SEC24D: variants seen among roughly 807,000 people sequenced by gnomAD.
The protein encoded by SEC24D is SEC24 homolog D, COPII component.
Under a neutral mutation model 116.9 loss-of-function variants are expected in SEC24D, and 69 were observed. That is an observed-to-expected ratio of 0.59 (90% CI 0.49 to 0.72). The LOEUF is 0.72. Among genes scored for constraint, SEC24D ranks in the 30% least tolerant of loss-of-function variants. SEC24D has a pLI of 0.00. For missense variants in SEC24D, 1,131 were observed against 1,264.1 expected, an observed-to-expected ratio of 0.89 and a Z score of 1.60; for synonymous variants, 405 against 442.8, an observed-to-expected ratio of 0.91 and a Z score of 1.07.
chr4:118,824,821 A>T, intron 2 of SEC24D, 72 bp from the exon 3 acceptor site: 3 of 1,381,096 alleles, frequency 2.2e-6, no homozygotes, highest in Non-Finnish European at 1.9e-6. Context: ...CATTAGGTTA[A>T]AAATGAGAAC....
In SEC24D at chr4:118,810,639, G is replaced by C. The variant is rs114794488; in HGVS notation, c.801+4389C>G. 3.1e-3 allele frequency among the ~76,000 whole-genome samples: 473 copies of C among 152,312 alleles called. 3 individuals carry two copies. The highest frequency in any genetic ancestry group is 0.011 in the African/African-American group (450 of 41,564). ...TTGAAACACAGATTCCAGGGCCTTA[G>C]CCTTAGAGATTCTGATTCTGTAGGT... On this transcript the variant is annotated intron_variant, in intron 6 of 22. Coordinates refer to ENST00000280551, the MANE Select transcript of SEC24D (RefSeq NM_014822.4).
chr4:118,799,185 A>C (rs1205366885), intron 7 of SEC24D, among the ~76,000 whole-genome samples: 1 of 152,172 alleles, frequency 6.6e-6, no homozygotes, highest in Non-Finnish European at 1.5e-5. Flanking sequence ...TCAAAGGTAC[A>C]GTGACTTATT....
At position 118,723,374 on chromosome 4, in the gene SEC24D, T is replaced by TGCCA; in HGVS notation, c.*140_*141insTGGC. 1 of 805,642 alleles carries TGCCA rather than the reference T, an allele frequency of 1.2e-6. No homozygotes were observed. Among genetic ancestry groups the TGCCA allele is most frequent in the Non-Finnish European group, 1.9e-6 (1 of 521,602 alleles). 49.9% of individuals were successfully genotyped at this position (805,642 alleles called of 1,614,324 possible). A position where few individuals can be genotyped will look rare whatever the true frequency, so the allele number is the denominator to read the frequency against. On this transcript the variant is annotated 3_prime_UTR_variant, in exon 23 of 23. Coordinates refer to ENST00000280551, the MANE Select transcript of SEC24D (RefSeq NM_014822.4). Reference sequence around the variant, plus strand: ...TTATACCTGAGCACCAAAGCTGAAGTTCTAAATGCCATCTCTTCCTGGAAA... The same window carrying TGCCA: ...TTATACCTGAGCACCAAAGCTGAAGTGCCATCTAAATGCCATCTCTTCCTGGAAA...
intron 21 of SEC24D, 173 bp from the exon 22 acceptor site, chr4:118,728,823 A>G (rs543776492): frequency 1.9e-6 from 1 of 525,164 alleles, no homozygotes; most frequent in East Asian, 3.1e-5. Flanking sequence ...ATTGGCACCC[A>G]TTCCCATAAT....
At chr4:118,754,439 T>C (rs1163498840) in intron 11 of SEC24D, among the ~76,000 whole-genome samples, 4 of 152,150 alleles carry the variant, frequency 2.6e-5, no homozygotes, top group Non-Finnish European at 5.9e-5. Flanking sequence ...TTAGAAGTCA[T>C]TTCCTCTTCT....
At chr4:118,788,786 G>A (rs138337660) in intron 8 of SEC24D, among the ~76,000 whole-genome samples, 1 of 152,218 alleles carries the variant, frequency 6.6e-6, no homozygotes, top group East Asian at 1.9e-4. Flanking sequence ...CTGCTGCCAA[G>A]GAACAACTAA....
intron 6 of SEC24D, among the ~76,000 whole-genome samples, chr4:118,813,483 C>A (rs556897914): frequency 6.6e-6 from 1 of 152,204 alleles, no homozygotes; most frequent in Admixed American, 6.5e-5. Context: ...AATCCCAAAG[C>A]GGCACAGAGC....
In SEC24D at chr4:118,745,856, G is replaced by C. The variant is rs1276672118; in HGVS notation, c.1708-796C>G. 2.6e-5 allele frequency among the ~76,000 whole-genome samples: 4 copies of C among 152,248 alleles called. No individual in the cohort carries two copies. In the East Asian group the frequency reaches 5.8e-4, roughly 22 times the overall value. On this transcript the variant is annotated intron_variant, in intron 13 of 22. Transcript: ENST00000280551. ...CCTCTGAAGTGAAGACAATAGCTCT[G>C]ATCAGGTATGTGGCTTTTATCCTTA...
intron 8 of SEC24D, among the ~76,000 whole-genome samples, chr4:118,773,121 A>G (rs978703557): frequency 1.3e-5 from 2 of 152,138 alleles, no homozygotes; most frequent in East Asian, 3.9e-4. Flanking sequence ...TACATTTTCA[A>G]TGTATACTTC....
intron 7 of SEC24D, 68 bp from the exon 8 acceptor site, chr4:118,797,878 T>C (rs1007789912): frequency 1.8e-5 from 23 of 1,278,422 alleles, no homozygotes; most frequent in Admixed American, 1.1e-4. Context: ...TATTCAAATA[T>C]TTATAAAGGT....
Position 118,751,176 on chromosome 4 carries a change from C to CTTTTTTTTTTTTTTTTTTTTT in SEC24D, c.1707+819_1707+820insAAAAAAAAAAAAAAAAAAAAA, listed in dbSNP as rs1185148886. Among the ~76,000 whole-genome samples, 16 of 100,330 alleles carry CTTTTTTTTTTTTTTTTTTTTT rather than the reference C, an allele frequency of 1.6e-4. 2 individuals carry two copies. Among genetic ancestry groups the CTTTTTTTTTTTTTTTTTTTTT allele is most frequent in the East Asian group, 3.6e-4 (1 of 2,772 alleles). 65.8% of individuals were successfully genotyped at this position (100,330 alleles called of 152,430 possible). ...TAATAATGATGATTTAGAGTGAGGGCTTTTTTTTTTTTTTTTTTTGAGATG... is the reference window on the plus strand; with the variant it reads ...TAATAATGATGATTTAGAGTGAGGGCTTTTTTTTTTTTTTTTTTTTTTTTTTTTTTTTTTTTTTTTGAGATG... On this transcript the variant is annotated intron_variant, in intron 13 of 22. Coordinates refer to ENST00000280551, the MANE Select transcript of SEC24D (RefSeq NM_014822.4).
At chr4:118,761,297 T>C (rs945890330) in intron 10 of SEC24D, among the ~76,000 whole-genome samples, 3 of 152,202 alleles carry the variant, frequency 2.0e-5, no homozygotes, top group Non-Finnish European at 4.4e-5. Flanking sequence ...GATGAATGAA[T>C]GGAACAACTC....
At chr4:118,794,157 C>T (rs1044949146) in intron 8 of SEC24D, among the ~76,000 whole-genome samples, 1 of 152,030 alleles carries the variant, frequency 6.6e-6, no homozygotes, top group Non-Finnish European at 1.5e-5. Flanking sequence ...GTATAAAATG[C>T]GTATATGCAT....
Position 118,815,088 on chromosome 4 carries a change from T to C in SEC24D, c.741A>G (p.Ala247=), listed in dbSNP as rs746742192. 3.1e-6 allele frequency: 5 copies of C among 1,614,072 alleles called. No individual in the cohort carries two copies. Among genetic ancestry groups the C allele is most frequent in the Non-Finnish European group, 4.2e-6 (5 of 1,180,036 alleles). ...GGGGCTGTGGCGGACCAGCCATCTG[T>C]GCAGGACCTCCAGGGAAGCCTCCTG... The part of the protein sequence containing the change: ...SYPGGFPGGP[A]QMAGPPQPQK... The change falls in exon 6 of 23, where the codon GCA becomes GCG. Residue 247 remains alanine, a synonymous_variant. Transcript: ENST00000280551.
intron 12 of SEC24D, among the ~76,000 whole-genome samples, chr4:118,752,494 G>C (rs1726889442): frequency 6.6e-6 from 1 of 152,086 alleles, no homozygotes; most frequent in Non-Finnish European, 1.5e-5. Context: ...AAAATTCTTA[G>C]ATACTGGTCT....
intron 8 of SEC24D, among the ~76,000 whole-genome samples, chr4:118,784,742 C>G (rs957414415): frequency 3.7e-5 from 5 of 135,436 alleles, no homozygotes; most frequent in Admixed American, 6.9e-5. Context: ...CTTCCCTGCC[C>G]CCCCCCCCGC....
At chr4:118,809,779 C>A (rs765690024) in intron 6 of SEC24D, among the ~76,000 whole-genome samples, 1 of 152,106 alleles carries the variant, frequency 6.6e-6, no homozygotes, top group Non-Finnish European at 1.5e-5. Flanking sequence ...GGAAGACAGG[C>A]AATAAGTAAA....
chr4:118,809,720 TAGAGA>T (rs138032768), intron 6 of SEC24D, among the ~76,000 whole-genome samples: 6,645 of 152,228 alleles, frequency 0.044, 198 homozygotes, highest in Non-Finnish European at 0.064. Context: ...TTCTAAGTGT[TAGAGA>T]CACAGCAGTG....
At chr4:118,783,387 C>A (rs1728517099) in intron 8 of SEC24D, among the ~76,000 whole-genome samples, 1 of 152,134 alleles carries the variant, frequency 6.6e-6, no homozygotes, top group African/African-American at 2.4e-5. Context: ...CTCCATAGAC[C>A]TAGATAACCT....
Sources: gnomAD v4.1 joint callset for allele counts (sites outside exome capture counted in the v4.1 genomes callset) on GRCh38, gnomAD v4.1.1 for gene constraint, MANE v1.5 for transcripts, NCBI Gene and HGNC (gene_info 2026-07-23, HGNC 2026-07-21) for gene names.